INTS1: variants seen among roughly 807,000 people sequenced by gnomAD.
The protein encoded by INTS1 is integrator complex subunit 1.
In INTS1, 137 loss-of-function variants were observed where a neutral mutation model predicts 241.6. The observed-to-expected ratio is 0.57, with a 90% confidence interval of 0.49 to 0.65. The LOEUF (loss-of-function observed/expected upper bound fraction) is 0.65, where lower values mean the gene tolerates loss of function less well. Ranked by LOEUF, INTS1 falls within the 30% of genes least tolerant of loss-of-function variation. The pLI is 0.00. For missense variants in INTS1, 3,073 were observed against 3,032.2 expected, an observed-to-expected ratio of 1.01 and a Z score of -0.32; for synonymous variants, 1,692 against 1,337.8, an observed-to-expected ratio of 1.26 and a Z score of -5.78.
At chr7:1,473,722 T>G in intron 41 of INTS1, 29 bp from the exon 42 acceptor site, 2 of 1,611,854 alleles carry the variant, frequency 1.2e-6, no homozygotes, top group Non-Finnish European at 1.7e-6. Flanking sequence ...ACCCTCGAGC[T>G]GCTCTGCCCC....
chr7:1,484,890 A>G (rs1231436766), intron 24 of INTS1, among the ~76,000 whole-genome samples: 1 of 152,106 alleles, frequency 6.6e-6, no homozygotes, highest in Non-Finnish European at 1.5e-5. Flanking sequence ...CCGCCAGCCC[A>G]GGGCACTGCA....
At chr7:1,479,009 CCAA>C in intron 31 of INTS1, 124 bp from the exon 32 acceptor site, 1 of 1,066,806 alleles carries the variant, frequency 9.4e-7, no homozygotes. Flanking sequence ...GGAGCCTGGG[CCAA>C]CCTCATCCCG....
In INTS1 at chr7:1,480,519, C is replaced by T. The variant is rs1781944233; in HGVS notation, c.3950-78G>A. The T allele has an allele frequency of 4.7e-6, 7 of 1,493,642 alleles. No individual in the cohort carries two copies. The Admixed American group carries it at 6.4e-5, about 14-fold the overall frequency. The allele number at this position is 1,493,642 out of a possible 1,614,324, so 92.5% of individuals were successfully genotyped here. The stretch of plus-strand genomic sequence containing the variant: ...GCGGTGGGAACTGTACAAGCCATGG[C>T]GAGTCCTGCCCGGGGACTGTCACCC... On this transcript the variant is annotated intron_variant, in intron 29 of 47. Coordinates refer to ENST00000404767, the MANE Select transcript of INTS1 (RefSeq NM_001080453.3).
chr7:1,473,737 G>T (rs1781583606), intron 41 of INTS1, 44 bp from the exon 42 acceptor site: 9 of 1,609,226 alleles, frequency 5.6e-6, no homozygotes, highest in Non-Finnish European at 6.8e-6. Context: ...TGCCCCGCAG[G>T]GCCAAAACAG....
Position 1,477,849 on chromosome 7 carries a change from G to A in INTS1, c.4718C>T (p.Pro1573Leu), listed in dbSNP as rs776616838. Residue 1573 changes from proline to leucine, a missense_variant, in exon 34 of 48, where the codon CCG (proline) becomes CTG (leucine). Coordinates refer to ENST00000404767, the MANE Select transcript of INTS1 (RefSeq NM_001080453.3). ...FFSATADAAS[P>L]FPACKPVVVV... ...CACAACGGGCTTACAGGCTGGAAAC[G>A]GGGAGGCAGCATCCGCAGTGGCAGA... The A allele has an allele frequency of 1.4e-5, 23 of 1,612,600 alleles. No homozygotes were observed. Among genetic ancestry groups the A allele is most frequent in the African/African-American group, 5.3e-5 (4 of 75,074 alleles).
At position 1,482,643 on chromosome 7, in the gene INTS1, G is replaced by C; in HGVS notation, c.3606C>G (p.Thr1202=). The stretch of plus-strand genomic sequence containing the variant: ...CCTCCGATGTGTCCACCAGGAAGGC[G>C]GTGGGCAGTGGCTTCTCCTCCGGAA... ...IWFPEEKPLP[T]AFLVDTSEEA... The change falls in exon 27 of 48, where the codon ACC becomes ACG. Residue 1202 remains threonine, a synonymous_variant. Coordinates refer to ENST00000404767, the MANE Select transcript of INTS1 (RefSeq NM_001080453.3). 1 of 1,612,844 alleles carries C rather than the reference G, an allele frequency of 6.2e-7. No homozygotes were observed. Among genetic ancestry groups the C allele is most frequent in the South Asian group, 1.1e-5 (1 of 91,090 alleles).
Position 1,499,274 on chromosome 7 carries a change from C to G in INTS1, c.931G>C (p.Glu311Gln). ...AGCTACCTGGGCATGAGCTGGCCCT[C>G]CTGCTCGGGGCTCAGCTTCTCCTCC... ...IAEEKLSPEQ[E>Q]GQLMPRYEEL... The change falls in exon 7 of 48, where the codon GAG (glutamate) becomes CAG (glutamine). Residue 311 changes from glutamate to glutamine, a missense_variant. Coordinates refer to ENST00000404767, the MANE Select transcript of INTS1 (RefSeq NM_001080453.3). 1 of 1,610,048 alleles carries G rather than the reference C, an allele frequency of 6.2e-7. No individual in the cohort carries two copies.
rs1321523861 is a variant in INTS1, at chr7:1,498,551, T to A, written c.1286A>T (p.Glu429Val). The A allele has an allele frequency of 6.2e-7, 1 of 1,613,628 alleles. No individual in the cohort carries two copies. The highest frequency in any genetic ancestry group is 1.3e-5 in the African/African-American group (1 of 74,990). Residue 429 changes from glutamate (E) to valine (V), a missense_variant and splice_region_variant, in exon 10 of 48, where the codon GAG (glutamate) becomes GTG (valine). Transcript: ENST00000404767. ...LLNHFMLCIR[E>V]LLSAHKDNLG... ...GTTGTCCTTGTGCGCGCTCAGCAGC[T>A]CCCTGGGTGAGGTGAGGGTACAGAC...
intron 8 of INTS1, 45 bp downstream of exon 8, chr7:1,498,930 G>GGCCCCCCCCCCCCCCCCCCCCCC: frequency 1.4e-6 from 2 of 1,460,174 alleles, no homozygotes; most frequent in Non-Finnish European, 1.9e-6. Flanking sequence ...CACAGAGCCT[G>GGCCCCCCCCCCCCCCCCCCCCCC]CCCCCACCCC....
rs10233017 is a variant in INTS1 at position 1,491,154 on chromosome 7, C to T, written c.2166-1472G>A. Among the ~76,000 whole-genome samples, 380 of 152,344 alleles carry T rather than the reference C, an allele frequency of 2.5e-3. 3 individuals carry two copies. Among genetic ancestry groups the T allele is most frequent in the African/African-American group, 8.6e-3 (358 of 41,574 alleles). On this transcript the variant is annotated intron_variant, in intron 16 of 47. Coordinates refer to ENST00000404767, the MANE Select transcript of INTS1 (RefSeq NM_001080453.3). ...GAAAACGGGAGGAGGGCTTCGGGAGCGTGGGGCAGCCCCAGCGTCCTAGGT... is the reference window on the plus strand; with the variant it reads ...GAAAACGGGAGGAGGGCTTCGGGAGTGTGGGGCAGCCCCAGCGTCCTAGGT...
In INTS1 at chr7:1,499,339, A is replaced by C; in HGVS notation, c.866T>G (p.Leu289Arg). The C allele has an allele frequency of 6.3e-7, 1 of 1,596,348 alleles. No homozygotes were observed. Among genetic ancestry groups the C allele is most frequent in the Non-Finnish European group, 8.5e-7 (1 of 1,171,100 alleles). Reference protein sequence around the residue: ...LGAGSSPHPSLTEEEDSQTEL... With the variant: ...LGAGSSPHPSRTEEEDSQTEL... Reference sequence around the variant, plus strand: ...CGTCTGGCTGTCCTCCTCCTCCGTGAGGGAGGGGTGTGGGCTGCTCCCTGC... The same window carrying C: ...CGTCTGGCTGTCCTCCTCCTCCGTGCGGGAGGGGTGTGGGCTGCTCCCTGC... Residue 289 changes from leucine (L) to arginine (R), a missense_variant, in exon 7 of 48, where the codon CTC (leucine) becomes CGC (arginine). Leu to Arg is a moderately radical substitution (Grantham distance 102). Coordinates refer to ENST00000404767, the MANE Select transcript of INTS1 (RefSeq NM_001080453.3).
Position 1,471,198 on chromosome 7 carries a change from C to A in INTS1, c.6282G>T (p.Ser2094=), listed in dbSNP as rs149670463. ...CGAGGTTGCGGCAACACTCCTCGGC[C>A]GAGCTCATCAGCCGCTGCAGGTTGG... ...FSTNLQRLMS[S]AEECCRNLAF... Residue 2094 remains serine (S), a synonymous_variant, in exon 46 of 48, where the codon TCG becomes TCT. Transcript: ENST00000404767. The A allele has an allele frequency of 6.3e-6, 10 of 1,581,730 alleles. No individual in the cohort carries two copies. Among genetic ancestry groups the A allele is most frequent in the Middle Eastern group, 3.3e-4 (2 of 5,994 alleles).
chr7:1,477,883 C>A lies in INTS1; in HGVS notation c.4684G>T (p.Ala1562Ser). 6.2e-7 allele frequency: 1 copy of A among 1,612,648 alleles called. No individual in the cohort carries two copies. Among genetic ancestry groups the A allele is most frequent in the Non-Finnish European group, 8.5e-7 (1 of 1,179,854 alleles). The change falls in exon 34 of 48, where the codon GCA becomes TCA. Residue 1562 changes from alanine to serine, a missense_variant. By Grantham distance (99) the Ala-to-Ser change is moderately conservative. Transcript: ENST00000404767. ...GCATCCGCAGTGGCAGAGAAGAATG[C>A]AGTCAGCAGCTCCTCCAGGTGGGGG... ...RSPHLEELLT[A>S]FFSATADAAS... is the part of the protein sequence containing the mutation.
intron 36 of INTS1, 32 bp from the exon 37 acceptor site, chr7:1,476,689 G>A (rs974045045): frequency 1.9e-6 from 3 of 1,612,270 alleles, no homozygotes; most frequent in Admixed American, 1.7e-5. Context: ...AGAGCACGAG[G>A]TGTCTCGTCT....
At chr7:1,496,468 C>T (rs1286799124) in intron 11 of INTS1, among the ~76,000 whole-genome samples, 3 of 151,398 alleles carry the variant, frequency 2.0e-5, no homozygotes, top group Non-Finnish European at 4.4e-5. Context: ...GGCACGGGGT[C>T]TGTATCCAGA....
chr7:1,492,865 C>T lies in INTS1; in HGVS notation c.2165+145G>A, dbSNP rs113245493. On this transcript the variant is annotated intron_variant, in intron 16 of 47. Transcript: ENST00000404767. ...GGAGTGGGGAGTGGGGAGCGGGGCG[C>T]GGGCTTACCCGGGCGGGAGTGGGGA... The T allele has an allele frequency of 1.7e-4, 78 of 466,932 alleles. 2 individuals carry two copies. The highest frequency in any genetic ancestry group is 1.0e-3 in the African/African-American group (38 of 37,570). 28.9% of individuals were successfully genotyped at this position (466,932 alleles called of 1,614,324 possible).
intron 16 of INTS1, among the ~76,000 whole-genome samples, chr7:1,490,280 G>A (rs752833534): frequency 3.9e-5 from 6 of 152,354 alleles, no homozygotes; most frequent in South Asian, 2.1e-4. Flanking sequence ...AACTCCAAAC[G>A]CTACTGAAAG....
At chr7:1,474,081 C>A in intron 41 of INTS1, 87 bp downstream of exon 41, 1 of 1,401,240 alleles carries the variant, frequency 7.1e-7, no homozygotes, top group East Asian at 2.5e-5. Flanking sequence ...GAGGTCCTCC[C>A]AGTCCCTCCG....
At chr7:1,477,009 CAGAG>C in intron 35 of INTS1, 91 bp from the exon 36 acceptor site, 1 of 1,472,482 alleles carries the variant, frequency 6.8e-7, no homozygotes, top group Admixed American at 2.1e-5. Context: ...ATGAGCCACT[CAGAG>C]AGCCGAGGCT....
Sources: gnomAD v4.1 joint callset for allele counts (sites outside exome capture counted in the v4.1 genomes callset) on GRCh38, gnomAD v4.1.1 for gene constraint, MANE v1.5 for transcripts, NCBI Gene and HGNC (gene_info 2026-07-23, HGNC 2026-07-21) for gene names.